TPTE2: variants seen among roughly 807,000 people sequenced by gnomAD.
TPTE2 encodes the protein transmembrane phosphoinositide 3-phosphatase and tensin homolog 2.
A neutral mutation model predicts 78.6 loss-of-function variants in TPTE2; 53 were observed. The ratio of observed to expected loss-of-function variants is 0.67; its 90% CI spans 0.54 to 0.85. The LOEUF is 0.85. Among genes scored for constraint, TPTE2 ranks in the 40% least tolerant of loss-of-function variants. TPTE2 has a pLI of 0.00. For missense variants in TPTE2, 461 were observed against 623.0 expected, an observed-to-expected ratio of 0.74 and a Z score of 2.77; for synonymous variants, 175 against 206.2, an observed-to-expected ratio of 0.85 and a Z score of 1.30.
chr13:19,558,199 A>G, the TPTE2 span, among the ~76,000 whole-genome samples: 1 of 152,260 alleles, frequency 6.6e-6, no homozygotes, highest in South Asian at 2.1e-4. Flanking sequence ...AAGTAATTGC[A>G]TGGTTTCCAT....
At chr13:19,555,033 A>G in the TPTE2 span, among the ~76,000 whole-genome samples, 3 of 152,334 alleles carry the variant, frequency 2.0e-5, no homozygotes, top group East Asian at 5.8e-4. Flanking sequence ...ACTTGCTAAT[A>G]GTTGCAAGCA....
Position 19,448,585 on chromosome 13 carries a change from T to C in TPTE2, c.973+1491A>G, listed in dbSNP as rs188337866. On this transcript the variant is annotated intron_variant, in intron 13 of 19. Coordinates refer to ENST00000400230, the Ensembl canonical transcript of TPTE2. Reference sequence around the variant, plus strand: ...AGAAACTGCTAAACATCATTAATCATCAGGGAAAAGCAATTTAAAACCACA... The same window carrying C: ...AGAAACTGCTAAACATCATTAATCACCAGGGAAAAGCAATTTAAAACCACA... 1.6e-3 allele frequency among the ~76,000 whole-genome samples: 241 copies of C among 152,284 alleles called. 1 individual carries two copies. Among genetic ancestry groups the C allele is most frequent in the Admixed American group, 8.7e-3 (133 of 15,290 alleles).
chr13:19,503,154 C>T, intron 1 of TPTE2, 70 bp downstream of exon 4: 3 of 1,603,926 alleles, frequency 1.9e-6, no homozygotes, highest in Non-Finnish European at 2.6e-6. Flanking sequence ...TGTTTATGTG[C>T]CTGTGTGTGT....
intron 13 of TPTE2, among the ~76,000 whole-genome samples, chr13:19,443,876 C>T (rs895001838): frequency 6.6e-6 from 1 of 151,866 alleles, no homozygotes; most frequent in African/African-American, 2.4e-5. Flanking sequence ...CTACACTGTA[C>T]TGAATGTTCT....
At chr13:19,509,820 A>G (rs1869311112) in intron 1 of TPTE2, among the ~76,000 whole-genome samples, 1 of 152,198 alleles carries the variant, frequency 6.6e-6, no homozygotes, top group Non-Finnish European at 1.5e-5. Flanking sequence ...CTATGTAGAT[A>G]TATGTCATTG....
At chr13:19,528,858 G>T (rs139566410) in intron 1 of TPTE2, among the ~76,000 whole-genome samples, 1 of 152,184 alleles carries the variant, frequency 6.6e-6, no homozygotes, top group South Asian at 2.1e-4. Flanking sequence ...GGTGGCTCAC[G>T]CCTGTAATCC....
the TPTE2 span, among the ~76,000 whole-genome samples, chr13:19,541,907 T>G: frequency 6.6e-6 from 1 of 152,158 alleles, no homozygotes; most frequent in African/African-American, 2.4e-5. Flanking sequence ...TTGGAATTAT[T>G]TTTTTCCTGA....
At chr13:19,561,318 G>A in the TPTE2 span, 68 of 753,054 alleles carry the variant, frequency 9.0e-5, no homozygotes, top group Middle Eastern at 1.2e-3. Flanking sequence ...CCAGGCACAC[G>A]GCGGGGGCCG....
At chr13:19,547,739 A>ATATATATATATATG in the TPTE2 span, among the ~76,000 whole-genome samples, 1 of 144,222 alleles carries the variant, frequency 6.9e-6, no homozygotes, top group Non-Finnish European at 1.5e-5. Context: ...ATATATATAT[A>ATATATATATATATG]TGCATACTGC....
rs1370955311 is a variant in TPTE2, at chr13:19,486,995, G to A, written c.120-4448C>T. 6.6e-6 allele frequency among the ~76,000 whole-genome samples: 1 copy of A among 152,166 alleles called. No individual in the cohort carries two copies. The highest frequency in any genetic ancestry group is 1.5e-5 in the Non-Finnish European group (1 of 68,024). Reference sequence around the variant, plus strand: ...AGTAGCCCATGGAGCTCTTTCTTAGGTCCAGGACATGGGCATTCATGGCTG... The same window carrying A: ...AGTAGCCCATGGAGCTCTTTCTTAGATCCAGGACATGGGCATTCATGGCTG... On this transcript the variant is annotated intron_variant, in intron 3 of 19. Transcript: ENST00000400230. The surrounding 1 kb of genome is among the most constrained non-coding windows in gnomAD (Gnocchi z 4.3).
chr13:19,530,617 T>C (rs946946395), intron 1 of TPTE2, among the ~76,000 whole-genome samples: 2 of 152,104 alleles, frequency 1.3e-5, no homozygotes, highest in Admixed American at 6.5e-5. Context: ...TGATCGCAGA[T>C]CACTGCCGCC....
the TPTE2 span, among the ~76,000 whole-genome samples, chr13:19,553,163 T>C: frequency 6.6e-6 from 1 of 152,052 alleles, no homozygotes; most frequent in Admixed American, 6.6e-5. Flanking sequence ...GTACTTCCTC[T>C]GTGCTTAAAT....
chr13:19,493,364 T>C, intron 2 of TPTE2, 84 bp downstream of exon 5: 1 of 911,328 alleles, frequency 1.1e-6, no homozygotes, highest in Non-Finnish European at 1.7e-6. Flanking sequence ...TGGATGGATA[T>C]ATTTGCTCAT....
Position 19,436,391 on chromosome 13 carries a change from C to A in TPTE2, c.1036-85G>T, listed in dbSNP as rs545762843. The stretch of plus-strand genomic sequence containing the variant: ...GGTACCCTTAGTGTTTCTATGCCCA[C>A]CTTCTTTCCTAAAGTCAGTGATTTT... On this transcript the variant is annotated intron_variant, in intron 14 of 19. Transcript: ENST00000400230. The A allele has an allele frequency of 9.7e-6, 12 of 1,231,996 alleles. No individual in the cohort carries two copies. In the African/African-American group the frequency reaches 1.5e-4, roughly 16 times the overall value. 76.3% of individuals were successfully genotyped at this position (1,231,996 alleles called of 1,614,324 possible). A position where few individuals can be genotyped will look rare whatever the true frequency, so the allele number is the denominator to read the frequency against.
chr13:19,461,242 T>G (rs1433947037), intron 10 of TPTE2, among the ~76,000 whole-genome samples: 1 of 152,120 alleles, frequency 6.6e-6, no homozygotes, highest in Non-Finnish European at 1.5e-5. Context: ...AGTCAGGTAA[T>G]TTTCTTTCCT....
At chr13:19,493,707 A>G in intron 1 of TPTE2, 2 of 626,558 alleles carry the variant, frequency 3.2e-6, no homozygotes, top group Admixed American at 4.8e-5. Context: ...GGCTGGGGAA[A>G]ATTGTAATGC....
At chr13:19,428,356 G>A (rs1430604475) in intron 17 of TPTE2, among the ~76,000 whole-genome samples, 1 of 152,252 alleles carries the variant, frequency 6.6e-6, no homozygotes, top group African/African-American at 2.4e-5. Context: ...GCGGAGGCAG[G>A]AGAATCGCTT....
rs112922382 is a variant in TPTE2, at chr13:19,425,654, C to T, written c.1396-637G>A. 1,906 of 498,806 alleles carry T rather than the reference C, an allele frequency of 3.8e-3. 32 individuals carry two copies. The highest frequency in any genetic ancestry group is 0.032 in the African/African-American group (1,645 of 50,898). 30.9% of individuals were successfully genotyped at this position (498,806 alleles called of 1,614,324 possible). On this transcript the variant is annotated intron_variant, in intron 18 of 19. Coordinates refer to ENST00000400230, the Ensembl canonical transcript of TPTE2. The stretch of plus-strand genomic sequence containing the variant: ...CACAGCAGAGACTCATGGCTGCTTG[C>T]GTTAAACCAAATTAGACTTCCCCTC...
chr13:19,431,910 C>T (rs1876652746), intron 16 of TPTE2, among the ~76,000 whole-genome samples: 1 of 108,054 alleles, frequency 9.3e-6, no homozygotes, highest in Non-Finnish European at 2.1e-5. Flanking sequence ...AGTGGTGAGG[C>T]CCCATTCCTT....
Sources: gnomAD v4.1 joint callset for allele counts (sites outside exome capture counted in the v4.1 genomes callset) on GRCh38, gnomAD v4.1.1 for gene constraint, Gnocchi (gnomAD v3.1) non-coding constraint, MANE v1.5 for transcripts, NCBI Gene and HGNC (gene_info 2026-07-23, HGNC 2026-07-21) for gene names.